MERTK: variants seen among roughly 807,000 people sequenced by gnomAD.
MERTK encodes MER proto-oncogene, tyrosine kinase.
A neutral mutation model predicts 99.3 loss-of-function variants in MERTK; 69 were observed. The ratio of observed to expected loss-of-function variants is 0.70; its 90% CI spans 0.57 to 0.85. The LOEUF (loss-of-function observed/expected upper bound fraction) is 0.85. Among genes scored for constraint, MERTK ranks in the 40% least tolerant of loss-of-function variants. The pLI, the probability that MERTK is intolerant of heterozygous loss-of-function variation, is 0.00. For missense variants in MERTK, 1,125 were observed against 1,249.4 expected (o/e 0.90, Z 1.50); for synonymous variants, 426 against 467.6 (o/e 0.91, Z 1.15).
chr2:111,996,957 G>A (rs187696316), intron 9 of MERTK: 93 of 299,528 alleles, frequency 3.1e-4, no homozygotes, highest in African/African-American at 1.9e-3. Context: ...TTAAACTACA[G>A]TAGAAGTAAA....
intron 1 of MERTK, among the ~76,000 whole-genome samples, chr2:111,906,109 C>G (rs751975835): frequency 6.6e-6 from 1 of 152,166 alleles, no homozygotes; most frequent in African/African-American, 2.4e-5. Context: ...CCCTTGAAAA[C>G]AAGATCCAAT....
intron 10 of MERTK, among the ~76,000 whole-genome samples, chr2:111,999,583 G>T (rs1676825171): frequency 6.6e-6 from 1 of 152,168 alleles, no homozygotes; most frequent in African/African-American, 2.4e-5. Flanking sequence ...TTACAGGCAT[G>T]AATCCCAGCC....
At chr2:111,928,512 GTC>G (rs1319846295) in intron 1 of MERTK, among the ~76,000 whole-genome samples, 2 of 151,922 alleles carry the variant, frequency 1.3e-5, no homozygotes, top group African/African-American at 2.4e-5. Flanking sequence ...TTGAGACAGG[GTC>G]TCTCTCTGTC....
In MERTK at chr2:112,005,071, C is replaced by CT. The variant is rs1553457419; in HGVS notation, c.1867+1097dup. 1.4e-3 allele frequency among the ~76,000 whole-genome samples: 214 copies of CT among 149,198 alleles called. 1 individual carries two copies. Among genetic ancestry groups the CT allele is most frequent in the African/African-American group, 4.6e-3 (187 of 40,624 alleles). On this transcript the variant is annotated intron_variant, in intron 13 of 18. Coordinates refer to ENST00000295408, the MANE Select transcript of MERTK (RefSeq NM_006343.3). The stretch of plus-strand genomic sequence containing the variant: ...CAGTCTAGGCCCTCTCAAATACTTT[C>CT]TTTTTTTTTTAATTGAGATGGAGTC...
intron 18 of MERTK, chr2:112,026,144 G>A (rs1677455950): frequency 1.3e-5 from 2 of 154,268 alleles, no homozygotes; most frequent in African/African-American, 4.8e-5. Context: ...GGGGCTTCTT[G>A]TTAATCTTCT....
intron 15 of MERTK, among the ~76,000 whole-genome samples, chr2:112,014,692 G>C (rs1329135191): frequency 2.0e-5 from 3 of 151,752 alleles, no homozygotes; most frequent in Non-Finnish European, 4.4e-5. Context: ...CTGGAGTGCA[G>C]GGGCACAATC....
At chr2:111,940,201 C>A in intron 2 of MERTK, 1 of 199,420 alleles carries the variant, frequency 5.0e-6, no homozygotes. Flanking sequence ...ATTCCTCCCC[C>A]GAGAATGTGA....
At position 111,991,938 on chromosome 2, in the gene MERTK, A is replaced by G. The variant is rs183094274; in HGVS notation, c.1297-2313A>G. 2.9e-3 allele frequency among the ~76,000 whole-genome samples: 441 copies of G among 152,270 alleles called. 3 individuals are homozygous for G. Among genetic ancestry groups the G allele is most frequent in the African/African-American group, 6.4e-3 (268 of 41,552 alleles). ...TAACGGTGAAAGACGGTCTTTCGCT[A>G]TAATGTTTGGGCACTTTAGGCCTCA... On this transcript the variant is annotated intron_variant, in intron 8 of 18. Coordinates refer to ENST00000295408, the MANE Select transcript of MERTK (RefSeq NM_006343.3).
chr2:112,027,689 A>G (rs1677496601), intron 18 of MERTK, among the ~76,000 whole-genome samples: 1 of 152,150 alleles, frequency 6.6e-6, no homozygotes, highest in Non-Finnish European at 1.5e-5. Flanking sequence ...GCCCACTGTC[A>G]TCTTCATTAC....
intron 5 of MERTK, among the ~76,000 whole-genome samples, chr2:111,966,121 T>C (rs1685354378): frequency 6.6e-6 from 1 of 152,256 alleles, no homozygotes; most frequent in South Asian, 2.1e-4. Flanking sequence ...TGTTTTACTA[T>C]TTAATCATAG....
chr2:111,977,897 T>C (rs934249686), intron 7 of MERTK, among the ~76,000 whole-genome samples: 5 of 152,188 alleles, frequency 3.3e-5, no homozygotes, highest in Admixed American at 2.6e-4. Flanking sequence ...TTTTGCATTT[T>C]TATGTCTCTA....
intron 7 of MERTK, among the ~76,000 whole-genome samples, chr2:111,976,170 G>C (rs1676242558): frequency 6.6e-6 from 1 of 151,830 alleles, no homozygotes; most frequent in South Asian, 2.1e-4. Context: ...AAAGGGTGTG[G>C]AGCTTCCATG....
intron 4 of MERTK, among the ~76,000 whole-genome samples, chr2:111,962,641 A>G (rs538548942): frequency 6.6e-6 from 1 of 152,316 alleles, no homozygotes; most frequent in South Asian, 2.1e-4. Flanking sequence ...ATTTGCTACA[A>G]TTGATGAACC....
At chr2:112,016,752 C>T (rs760388421) in intron 15 of MERTK, among the ~76,000 whole-genome samples, 3 of 152,210 alleles carry the variant, frequency 2.0e-5, no homozygotes, top group African/African-American at 7.2e-5. Context: ...CCTGCTAGAG[C>T]TTCAGGGAAG....
At chr2:111,980,079 C>G (rs1384943898) in intron 7 of MERTK, among the ~76,000 whole-genome samples, 1 of 152,176 alleles carries the variant, frequency 6.6e-6, no homozygotes, top group Non-Finnish European at 1.5e-5. Context: ...TACGATACCC[C>G]CCAACTGTCA....
Position 111,966,575 on chromosome 2 carries a change from C to T in MERTK, c.844+1298C>T, listed in dbSNP as rs187954552. ...AAAGCACTTCTCCAATTTTATGCTT[C>T]AGAATCTCAGCTAAGGTTTTATTCT... On this transcript the variant is annotated intron_variant, in intron 5 of 18. Transcript: ENST00000295408. Among the ~76,000 whole-genome samples the T allele has an allele frequency of 2.0e-5, 3 of 152,308 alleles. No individual in the cohort carries two copies. The East Asian group carries it at 5.8e-4, about 29-fold the overall frequency.
At chr2:112,001,868 G>A (rs1172449391) in intron 11 of MERTK, among the ~76,000 whole-genome samples, 4 of 152,104 alleles carry the variant, frequency 2.6e-5, no homozygotes, top group African/African-American at 9.6e-5. Flanking sequence ...ACAGAATACA[G>A]GTTGCTATGA....
chr2:111,966,930 C>T (rs895015057), intron 5 of MERTK, among the ~76,000 whole-genome samples: 9 of 152,194 alleles, frequency 5.9e-5, no homozygotes, highest in African/African-American at 1.9e-4. Flanking sequence ...CCTCACCACA[C>T]CCTCCCTGGG....
chr2:111,968,631 G>A (rs1675999736), intron 6 of MERTK, among the ~76,000 whole-genome samples: 1 of 152,096 alleles, frequency 6.6e-6, no homozygotes, highest in African/African-American at 2.4e-5. Flanking sequence ...CCTGGTTCAA[G>A]CAATTCTCCT....
Sources: gnomAD v4.1 joint callset for allele counts (sites outside exome capture counted in the v4.1 genomes callset) on GRCh38, gnomAD v4.1.1 for gene constraint, MANE v1.5 for transcripts, NCBI Gene and HGNC (gene_info 2026-07-23, HGNC 2026-07-21) for gene names.